Variants in TEX9 observed in about 807,000 individuals in gnomAD.
TEX9 encodes testis-expressed protein 9.
Under a neutral mutation model 59.6 loss-of-function variants are expected in TEX9, and 74 were observed. That is an observed-to-expected ratio of 1.24 (90% CI 1.03 to 1.51). The LOEUF (loss-of-function observed/expected upper bound fraction) is 1.51. TEX9 is among the 40% of genes most tolerant of loss of function. TEX9 has a pLI of 0.00. For synonymous variants in TEX9, 186 were observed against 152.2 expected, an observed-to-expected ratio of 1.22 and a Z score of -1.64; for missense variants, 522 against 447.8, an observed-to-expected ratio of 1.17 and a Z score of -1.49.
chr15:56,340,401 T>C (rs1038622921), intron 1 of TEX9, among the ~76,000 whole-genome samples: 4 of 152,238 alleles, frequency 2.6e-5, no homozygotes, highest in African/African-American at 9.6e-5. Flanking sequence ...TGGTTGTCAG[T>C]ATTCAATCAG....
chr15:56,429,240 T>G (rs756548663), intron 12 of TEX9: 1 of 1,233,202 alleles, frequency 8.1e-7, no homozygotes, highest in Non-Finnish European at 1.2e-6. Flanking sequence ...CCAGAATATT[T>G]CACTAAATGC....
At chr15:56,273,063 T>C (rs1487947437) in intron 1 of TEX9, among the ~76,000 whole-genome samples, 1 of 151,842 alleles carries the variant, frequency 6.6e-6, no homozygotes, top group African/African-American at 2.4e-5. Context: ...AAGCAATTCT[T>C]CTGCTGCAGC....
At chr15:56,413,773 C>T (rs2049526271) in intron 10 of TEX9, among the ~76,000 whole-genome samples, 1 of 151,674 alleles carries the variant, frequency 6.6e-6, no homozygotes, top group African/African-American at 2.4e-5. Flanking sequence ...TCATTATATA[C>T]ACAGATAATA....
intron 1 of TEX9, among the ~76,000 whole-genome samples, chr15:56,267,016 T>C (rs2044401916): frequency 6.6e-6 from 1 of 152,216 alleles, no homozygotes; most frequent in African/African-American, 2.4e-5. Context: ...ATGATTGCCA[T>C]TCTAACTGGT....
At chr15:56,252,195 T>C (rs1439292922) in intron 1 of TEX9, among the ~76,000 whole-genome samples, 2 of 152,126 alleles carry the variant, frequency 1.3e-5, no homozygotes, top group African/African-American at 4.8e-5. Context: ...CATTGTAGGC[T>C]AATTGTAGGT....
intron 1 of TEX9, among the ~76,000 whole-genome samples, chr15:56,327,728 T>G (rs1178769759): frequency 1.3e-5 from 2 of 152,092 alleles, no homozygotes; most frequent in Non-Finnish European, 2.9e-5. Flanking sequence ...AACTTTGCAT[T>G]GGAAACTGGT....
At chr15:56,399,674 C>G (rs2142424095) in intron 9 of TEX9, among the ~76,000 whole-genome samples, 1 of 152,320 alleles carries the variant, frequency 6.6e-6, no homozygotes, top group Middle Eastern at 3.4e-3. Flanking sequence ...GGTCCCTGAC[C>G]CCTGTGTATC....
intron 8 of TEX9, 197 bp from the exon 9 acceptor site, chr15:56,394,464 G>A: frequency 1.6e-6 from 1 of 625,190 alleles, no homozygotes; most frequent in South Asian, 2.3e-5. Flanking sequence ...CTCTATATTA[G>A]TCTTACAAAT....
intron 1 of TEX9, among the ~76,000 whole-genome samples, chr15:56,251,883 C>G (rs1345608317): frequency 1.3e-5 from 2 of 152,122 alleles, no homozygotes; most frequent in Admixed American, 6.5e-5. Flanking sequence ...GGCATAGAAA[C>G]TTAAGGGGAG....
At position 56,257,756 on chromosome 15, in the gene TEX9, G is replaced by A. The variant is rs11636196; in HGVS notation, c.-107+13478G>A. On this transcript the variant is annotated intron_variant, in intron 1 of 5. Coordinates refer to the TEX9 transcript ENST00000560827. ...CTGCCGGTTTTCTGTTTACTCTGTC[G>A]ATAGTTTCTTTTGCTGTGCAGAGGC... Among the ~76,000 whole-genome samples, 1,374 of 152,184 alleles carry A rather than the reference G, an allele frequency of 9.0e-3. 11 individuals carry two copies. Among genetic ancestry groups the A allele is most frequent in the Non-Finnish European group, 0.013 (910 of 67,986 alleles).
At chr15:56,365,109 C>T (rs2046873584), upstream of TEX9, among the ~76,000 whole-genome samples, 1 of 152,202 alleles carries the variant, frequency 6.6e-6, no homozygotes, top group Non-Finnish European at 1.5e-5. Flanking sequence ...TAGCCACTAA[C>T]GGTTTGAAAA....
upstream of TEX9, among the ~76,000 whole-genome samples, chr15:56,365,006 C>T (rs1369700037): frequency 6.6e-6 from 1 of 152,174 alleles, no homozygotes; most frequent in Non-Finnish European, 1.5e-5. Flanking sequence ...GAGCCTGAGT[C>T]TTAGCCATGC....
intron 1 of TEX9, among the ~76,000 whole-genome samples, chr15:56,292,512 AGACCTTTT>A (rs2045118711): frequency 6.6e-6 from 1 of 152,210 alleles, no homozygotes; most frequent in Admixed American, 6.5e-5. Context: ...GAAGGGCCTT[AGACCTTTT>A]GGCAGTGAGG....
At chr15:56,344,755 A>G (rs1411560266) in intron 1 of TEX9, among the ~76,000 whole-genome samples, 1 of 152,100 alleles carries the variant, frequency 6.6e-6, no homozygotes, top group Non-Finnish European at 1.5e-5. Flanking sequence ...ACTTGCTTCT[A>G]TTATACAATG....
At chr15:56,434,906 A>G (rs750930533) in intron 12 of TEX9, among the ~76,000 whole-genome samples, 25 of 152,146 alleles carry the variant, frequency 1.6e-4, no homozygotes, top group Non-Finnish European at 2.9e-4. Context: ...TCTAGCAATG[A>G]CAATCAGTAC....
At chr15:56,391,378 A>G (rs1448891269) in exon 7 of TEX9, 3 of 1,563,892 alleles carry the variant, frequency 1.9e-6, no homozygotes, top group African/African-American at 1.4e-5. Flanking sequence ...CTGAATATAT[A>G]GATGATATTT....
chr15:56,293,635 T>C (rs1367361403), intron 1 of TEX9, among the ~76,000 whole-genome samples: 1 of 152,176 alleles, frequency 6.6e-6, no homozygotes, highest in East Asian at 1.9e-4. Flanking sequence ...GGTATCAGTT[T>C]TGCCTCCAGA....
In TEX9 at chr15:56,388,562, G is replaced by A. The variant is rs1252538849; in HGVS notation, c.312+42G>A. Reference sequence around the variant, plus strand: ...TCTGTGAATGCAATTATATTCTGTAGAACTCCGGATATTTTTTAGACTTTT... The same window carrying A: ...TCTGTGAATGCAATTATATTCTGTAAAACTCCGGATATTTTTTAGACTTTT... On this transcript the variant is annotated intron_variant, in intron 5 of 12. Coordinates refer to ENST00000352903, the Ensembl canonical transcript of TEX9. 1.9e-6 allele frequency: 3 copies of A among 1,540,336 alleles called. No homozygotes were observed. The African/African-American group carries it at 4.1e-5, about 21-fold the overall frequency.
rs529660684 is a variant in TEX9 at position 56,347,277 on chromosome 15, GT to G, written c.-106-26158del. On this transcript the variant is annotated intron_variant, in intron 1 of 5. Coordinates refer to the TEX9 transcript ENST00000560827. The stretch of plus-strand genomic sequence containing the variant: ...CCAGGGGAACTAAAACAGGTTAAAA[GT>G]TTTTTAAAAAGAAAAATAAATTGAG... Among the ~76,000 whole-genome samples, 220 of 152,136 alleles carry G rather than the reference GT, an allele frequency of 1.4e-3. 1 individual carries two copies. The highest frequency in any genetic ancestry group is 3.4e-3 in the Middle Eastern group (1 of 294).
Sources: allele counts gnomAD v4.1 joint callset (sites outside exome capture counted in the v4.1 genomes callset), GRCh38; gene constraint gnomAD v4.1.1; transcripts MANE v1.5; gene names NCBI Gene and HGNC (gene_info 2026-07-23, HGNC 2026-07-21).